The following ADAM12 variants were observed in gnomAD, a reference collection of about 807,000 sequenced individuals.
ADAM12 encodes disintegrin and metalloproteinase domain-containing protein 12.
ADAM12 carries 70 observed loss-of-function variants against 106.4 expected under a neutral mutation model. The observed-to-expected ratio is 0.66, with a 90% CI of 0.54 to 0.80. The LOEUF (loss-of-function observed/expected upper bound fraction) is 0.80, where lower values mean the gene tolerates loss of function less well. Among genes scored for constraint, ADAM12 ranks in the 30% least tolerant of loss-of-function variants. ADAM12 has a pLI of 0.00. For missense variants in ADAM12, 1,010 were observed against 1,171.9 expected, an observed-to-expected ratio of 0.86 and a Z score of 2.02; for synonymous variants, 420 against 433.5, an observed-to-expected ratio of 0.97 and a Z score of 0.39.
intron 1 of ADAM12, among the ~76,000 whole-genome samples, chr10:126,352,862 A>C (rs1344022486): frequency 6.6e-6 from 1 of 152,214 alleles, no homozygotes; most frequent in African/African-American, 2.4e-5. Context: ...GGGATATAAG[A>C]ATGTACATTC....
intron 11 of ADAM12, among the ~76,000 whole-genome samples, chr10:126,088,839 T>G (rs535298162): frequency 6.6e-6 from 1 of 152,194 alleles, no homozygotes; most frequent in South Asian, 2.1e-4. Flanking sequence ...TGGAATTAAA[T>G]GTAATCGAAT....
intron 4 of ADAM12, among the ~76,000 whole-genome samples, chr10:126,147,435 G>A (rs1288240536): frequency 6.6e-6 from 1 of 152,152 alleles, no homozygotes; most frequent in Non-Finnish European, 1.5e-5. Flanking sequence ...ACATAGTCAT[G>A]ACACGCCTTG....
At chr10:126,314,965 G>T (rs1473524168) in intron 2 of ADAM12, among the ~76,000 whole-genome samples, 1 of 152,170 alleles carries the variant, frequency 6.6e-6, no homozygotes, top group Admixed American at 6.5e-5. Flanking sequence ...GCTAGGACTG[G>T]TAAGGTAATT....
At chr10:126,252,456 G>T (rs1217633601) in intron 3 of ADAM12, among the ~76,000 whole-genome samples, 1 of 152,182 alleles carries the variant, frequency 6.6e-6, no homozygotes, top group Non-Finnish European at 1.5e-5. Flanking sequence ...AACACCAAGG[G>T]AGCTGATGAT....
intron 1 of ADAM12, among the ~76,000 whole-genome samples, chr10:126,346,474 G>A (rs1855144569): frequency 6.6e-6 from 1 of 152,170 alleles, no homozygotes; most frequent in African/African-American, 2.4e-5. Context: ...AGTGCGATGT[G>A]GTGCCAAGAA....
intron 14 of ADAM12, among the ~76,000 whole-genome samples, chr10:126,059,173 T>C (rs1954698374): frequency 1.3e-5 from 2 of 152,168 alleles, no homozygotes; most frequent in Non-Finnish European, 2.9e-5. Context: ...GTCATTATAT[T>C]TTTTTTGAAA....
In ADAM12 at chr10:126,036,205, G is replaced by T; in HGVS notation, c.2470C>A (p.Arg824Ser). Residue 824 changes from arginine (R) to serine (S), a missense_variant, in exon 21 of 23, where the codon CGT becomes AGT. By Grantham distance (110) the Arg-to-Ser change is moderately radical (BLOSUM62 -1). Transcript: ENST00000448723. ...RVLPPLHRAP[R>S]APSVPARPLP... is the part of the protein sequence containing the mutation. ...GGTCTGGCAGGGACGCTAGGTGCACGTGGAGCCCGGTGGAGGGGAGGAAGC... is the reference window on the plus strand; with the variant it reads ...GGTCTGGCAGGGACGCTAGGTGCACTTGGAGCCCGGTGGAGGGGAGGAAGC... The T allele has an allele frequency of 6.5e-7, 1 of 1,546,444 alleles. No individual in the cohort carries two copies. The highest frequency in any genetic ancestry group is 8.7e-7 in the Non-Finnish European group (1 of 1,151,986).
At chr10:126,149,577 G>T (rs1956692299) in intron 4 of ADAM12, among the ~76,000 whole-genome samples, 1 of 152,196 alleles carries the variant, frequency 6.6e-6, no homozygotes, top group South Asian at 2.1e-4. Context: ...TCCTCAATCT[G>T]GGTGGGCACC....
chr10:126,203,086 A>T (rs149691212), intron 3 of ADAM12, among the ~76,000 whole-genome samples: 1 of 152,330 alleles, frequency 6.6e-6, no homozygotes, highest in East Asian at 1.9e-4. Context: ...CGAAGGAGTA[A>T]GGAAGGAAGA....
chr10:126,377,820 G>C (rs189647148), intron 1 of ADAM12, among the ~76,000 whole-genome samples: 35 of 152,272 alleles, frequency 2.3e-4, no homozygotes, highest in African/African-American at 7.5e-4. Flanking sequence ...AATGTTACTA[G>C]AGCAATTGGT....
chr10:126,289,043 G>C (rs1960020294), intron 2 of ADAM12, among the ~76,000 whole-genome samples: 1 of 150,380 alleles, frequency 6.6e-6, no homozygotes. Flanking sequence ...GTGGTGACAT[G>C]ATGGCCAGAG....
intron 3 of ADAM12, among the ~76,000 whole-genome samples, chr10:126,234,503 G>C (rs542333774): frequency 6.6e-6 from 1 of 152,320 alleles, no homozygotes; most frequent in East Asian, 1.9e-4. Flanking sequence ...AACGTTTCTA[G>C]TTCAACAAGA....
At chr10:126,207,549 A>G (rs913958698) in intron 3 of ADAM12, among the ~76,000 whole-genome samples, 1 of 152,230 alleles carries the variant, frequency 6.6e-6, no homozygotes, top group African/African-American at 2.4e-5. Flanking sequence ...TTGGTATTGA[A>G]GACTCTGCCC....
chr10:126,049,205 C>G lies in ADAM12; in HGVS notation c.1917+48G>C. ...CAGTTCTTGCTGTTTTTCAATGGGC[C>G]CTGTTCCAGACTTACATTTATGATC... is the stretch of plus-strand genomic sequence containing the variant. On this transcript the variant is annotated intron_variant, in intron 16 of 22. Coordinates refer to ENST00000448723, the MANE Select transcript of ADAM12 (RefSeq NM_001288973.2). This position sits in a 1 kb window ranked among gnomAD's most constrained non-coding sequence, Gnocchi z 4.4. 6.2e-7 allele frequency: 1 copy of G among 1,605,678 alleles called. No individual in the cohort carries two copies. Among genetic ancestry groups the G allele is most frequent in the African/African-American group, 1.3e-5 (1 of 74,878 alleles).
In ADAM12 at chr10:126,049,511, A is replaced by G. The variant is rs368427226; in HGVS notation, c.1718+50T>C. On this transcript the variant is annotated intron_variant, in intron 15 of 22. Transcript: ENST00000448723. The surrounding 1 kb of genome is among the most constrained non-coding windows in gnomAD (Gnocchi z 4.4). ...AACCATTTGGAACCAACCCTATGCA[A>G]TGTGGGAAGGTCAGAGCAAAGACTT... 2 of 1,613,480 alleles carry G rather than the reference A, an allele frequency of 1.2e-6. No homozygotes were observed. Among genetic ancestry groups the G allele is most frequent in the Non-Finnish European group, 1.7e-6 (2 of 1,179,376 alleles).
Position 126,135,596 on chromosome 10 carries a change from C to G in ADAM12, c.404G>C (p.Cys135Ser). Residue 135 changes from cysteine to serine, a missense_variant, in exon 5 of 23, where the codon TGT becomes TCT. Physicochemically the swap from Cys to Ser is moderately radical, Grantham distance 112. Transcript: ENST00000448723. ...YSDSAVSLST[C>S]SGLRGLIVFE... ...CATGGCCACTTACCTGAGACCAGAACACGTGCTGAGACTGACTGCTGAATC... is the reference window on the plus strand; with the variant it reads ...CATGGCCACTTACCTGAGACCAGAAGACGTGCTGAGACTGACTGCTGAATC... 1.2e-6 allele frequency: 2 copies of G among 1,614,204 alleles called. No individual in the cohort carries two copies. Among genetic ancestry groups the G allele is most frequent in the Non-Finnish European group, 1.7e-6 (2 of 1,180,020 alleles).
At chr10:126,104,573 C>T (rs968518395) in intron 8 of ADAM12, among the ~76,000 whole-genome samples, 2 of 152,062 alleles carry the variant, frequency 1.3e-5, no homozygotes, top group Non-Finnish European at 2.9e-5. Context: ...GGAGGACAGT[C>T]TGGAGGTGAA....
chr10:126,193,142 G>T (rs895365018), intron 3 of ADAM12, among the ~76,000 whole-genome samples: 1 of 151,904 alleles, frequency 6.6e-6, no homozygotes, highest in African/African-American at 2.4e-5. Flanking sequence ...GCCTGTGCCT[G>T]TGGTCTTGGC....
intron 1 of ADAM12, 119 bp from the exon 2 acceptor site, chr10:126,330,628 C>A: frequency 2.5e-6 from 2 of 791,832 alleles, no homozygotes; most frequent in South Asian, 2.0e-5. Flanking sequence ...CCCAGGGAAA[C>A]ACTAGAACCC....
Sources: gnomAD v4.1 joint callset for allele counts (sites outside exome capture counted in the v4.1 genomes callset) on GRCh38, gnomAD v4.1.1 for gene constraint, Gnocchi (gnomAD v3.1) non-coding constraint, MANE v1.5 for transcripts, NCBI Gene and HGNC (gene_info 2026-07-23, HGNC 2026-07-21) for gene names.